The following ZNF12 variants were observed in gnomAD, a reference collection of about 807,000 sequenced individuals.
The protein encoded by ZNF12 is zinc finger protein 12.
A neutral mutation model predicts 66.6 loss-of-function variants in ZNF12; 34 were observed. That is an observed-to-expected ratio of 0.51 (90% CI 0.39 to 0.68). ZNF12 has a LOEUF of 0.68. ZNF12 is among the 30% of genes least tolerant of loss of function. ZNF12 has a pLI of 0.00. For missense variants in ZNF12, 697 were observed against 826.9 expected, an observed-to-expected ratio of 0.84 and a Z score of 1.93; for synonymous variants, 320 against 278.9, an observed-to-expected ratio of 1.15 and a Z score of -1.47.
At position 6,692,511 on chromosome 7, in the gene ZNF12, T is replaced by C. The variant is rs922483403; in HGVS notation, c.431A>G (p.Glu144Gly). The part of the protein sequence containing the change: ...AYKNSLCDSC[E>G]KCLTSVSEYI... The stretch of plus-strand genomic sequence containing the variant: ...TTCTGAAACAGACGTTAAACACTTT[T>C]CACATGAGTCACAGAGGCTATTTTT... The change falls in exon 5 of 5, where the codon GAA becomes GGA. Residue 144 changes from glutamate to glycine, a missense_variant. Around this residue, in one of 3 missense-constraint regions of ZNF12, gnomAD observed 241 missense variants for 224.0 expected, o/e 1.08. Coordinates refer to ENST00000405858, the MANE Select transcript of ZNF12 (RefSeq NM_016265.4). The surrounding 1 kb of genome is among the most constrained non-coding windows in gnomAD (Gnocchi z 5.1). The C allele has an allele frequency of 4.3e-6, 7 of 1,613,388 alleles. No homozygotes were observed. Among genetic ancestry groups the C allele is most frequent in the Non-Finnish European group, 5.9e-6 (7 of 1,179,756 alleles).
Position 6,697,496 on chromosome 7 carries a change from T to C in ZNF12, c.143-62A>G. ...CCGGTTGGCTTCAGGGTCTCTGTCATACAGGGAAAATTCCATTTGTGTCTT... is the reference window on the plus strand; with the variant it reads ...CCGGTTGGCTTCAGGGTCTCTGTCACACAGGGAAAATTCCATTTGTGTCTT... On this transcript the variant is annotated intron_variant, in intron 3 of 4. Transcript: ENST00000405858. The surrounding 1 kb of genome is among the most constrained non-coding windows in gnomAD (Gnocchi z 6.1). 2 of 1,549,230 alleles carry C rather than the reference T, an allele frequency of 1.3e-6. No homozygotes were observed. The highest frequency in any genetic ancestry group is 2.3e-5 in the South Asian group (2 of 86,938).
rs957197171 is a variant in ZNF12, at chr7:6,692,838, A to T, written c.239-135T>A. ...TTCATGAACAGATGAAAATAATTCC[A>T]AGTGTACTCTTCTCCTTTATGCTTT... On this transcript the variant is annotated intron_variant, in intron 4 of 4. Coordinates refer to ENST00000405858, the MANE Select transcript of ZNF12 (RefSeq NM_016265.4). This position sits in a 1 kb window ranked among gnomAD's most constrained non-coding sequence, Gnocchi z 5.1. 1.2e-6 allele frequency: 1 copy of T among 827,832 alleles called. No individual in the cohort carries two copies. The highest frequency in any genetic ancestry group is 1.8e-6 in the Non-Finnish European group (1 of 561,638). 51.3% of individuals were successfully genotyped at this position (827,832 alleles called of 1,614,324 possible). A position where few individuals can be genotyped will look rare whatever the true frequency, so the allele number is the denominator to read the frequency against.
intron 2 of ZNF12, among the ~76,000 whole-genome samples, chr7:6,702,358 CA>C (rs1283660637): frequency 6.5e-4 from 1 of 1,528 alleles, no homozygotes; most frequent in African/African-American, 2.7e-3. Flanking sequence ...CACACGCACA[CA>C]CACCAGATTC....
At position 6,698,061 on chromosome 7, in the gene ZNF12, T is replaced by G. The variant is rs566053770; in HGVS notation, c.16-250A>C. ...GTGAGCCAGAAACAATCCTGGCTGT[T>G]GGGAACTCTTAACACCAGCAGGGAC... On this transcript the variant is annotated intron_variant, in intron 2 of 4. Coordinates refer to ENST00000405858, the MANE Select transcript of ZNF12 (RefSeq NM_016265.4). The surrounding 1 kb of genome is among the most constrained non-coding windows in gnomAD (Gnocchi z 4.4). 1.0e-4 allele frequency: 69 copies of G among 692,200 alleles called. No homozygotes were observed. Among genetic ancestry groups the G allele is most frequent in the Middle Eastern group, 4.9e-4 (2 of 4,094 alleles). 42.9% of individuals were successfully genotyped at this position (692,200 alleles called of 1,614,324 possible).
intron 2 of ZNF12, among the ~76,000 whole-genome samples, chr7:6,702,505 CA>C (rs1562602249): frequency 3.9e-4 from 12 of 30,966 alleles, no homozygotes; most frequent in Non-Finnish European, 5.6e-4. Flanking sequence ...CACACACACA[CA>C]CAGATTTATC....
intron 2 of ZNF12, among the ~76,000 whole-genome samples, chr7:6,703,462 C>G (rs892501529): frequency 6.6e-6 from 1 of 152,054 alleles, no homozygotes; most frequent in African/African-American, 2.4e-5. Flanking sequence ...AAAACAATCG[C>G]GAGGTCAGAA....
At position 6,690,321 on chromosome 7, in the gene ZNF12, CAT is replaced by C. The variant is rs1461644931; in HGVS notation, c.*525_*526del. 6.6e-6 allele frequency: 1 copy of C among 152,270 alleles called. No homozygotes were observed. The highest frequency in any genetic ancestry group is 1.5e-5 in the Non-Finnish European group (1 of 68,098). The allele number at this position is 152,270 out of a possible 1,614,324, so 9.4% of individuals were successfully genotyped here. ...TAATAAAAACAACCCTCTCCCCAAA[CAT>C]AAGTCCTATGTTCTTTGGGAACTGC... On this transcript the variant is annotated 3_prime_UTR_variant, in exon 5 of 5. Coordinates refer to ENST00000405858, the MANE Select transcript of ZNF12 (RefSeq NM_016265.4).
Position 6,690,612 on chromosome 7 carries a change from T to C in ZNF12, c.*236A>G, listed in dbSNP as rs1165192047. 2.2e-6 allele frequency: 1 copy of C among 453,386 alleles called. No individual in the cohort carries two copies. Among genetic ancestry groups the C allele is most frequent in the East Asian group, 3.6e-5 (1 of 27,574 alleles). 28.1% of individuals were successfully genotyped at this position (453,386 alleles called of 1,614,324 possible). ...GTTCCAATCCATGGTGACATGTATA[T>C]ACATTCTTAATATTTATAAATTTTT... On this transcript the variant is annotated 3_prime_UTR_variant, in exon 5 of 5. Coordinates refer to ENST00000405858, the MANE Select transcript of ZNF12 (RefSeq NM_016265.4).
Position 6,705,059 on chromosome 7 carries a change from C to G in ZNF12, c.15+100G>C, listed in dbSNP as rs1251344417. On this transcript the variant is annotated intron_variant, in intron 2 of 4. Transcript: ENST00000405858. This position sits in a 1 kb window ranked among gnomAD's most constrained non-coding sequence, Gnocchi z 4.0. ...TGTTCTGTCTGACCAAATCTTGTATCTATTTCTACTTTCCCATTTTAAACT... is the reference window on the plus strand; with the variant it reads ...TGTTCTGTCTGACCAAATCTTGTATGTATTTCTACTTTCCCATTTTAAACT... 4 of 1,395,798 alleles carry G rather than the reference C, an allele frequency of 2.9e-6. No individual in the cohort carries two copies. Among genetic ancestry groups the G allele is most frequent in the Non-Finnish European group, 2.9e-6 (3 of 1,029,530 alleles). The allele number at this position is 1,395,798 out of a possible 1,614,324, so 86.5% of individuals were successfully genotyped here.
chr7:6,700,232 C>T (rs1228573727), intron 2 of ZNF12, among the ~76,000 whole-genome samples: 1 of 150,482 alleles, frequency 6.6e-6, no homozygotes, highest in Non-Finnish European at 1.5e-5. Context: ...TTGCAGTGAG[C>T]CGAGATCGAG....
At position 6,697,226 on chromosome 7, in the gene ZNF12, T is replaced by C. The variant is rs1056849228; in HGVS notation, c.238+113A>G. 3.2e-5 allele frequency: 23 copies of C among 725,306 alleles called. No individual in the cohort carries two copies. The highest frequency in any genetic ancestry group is 1.1e-4 in the African/African-American group (6 of 56,120). The allele number at this position is 725,306 out of a possible 1,614,324, so 44.9% of individuals were successfully genotyped here. ...TCTTTGGGAGTGAGATTCAGGTTCA[T>C]AGAGCATATAAGCAACTATTTCTAG... On this transcript the variant is annotated intron_variant, in intron 4 of 4. Transcript: ENST00000405858. The surrounding 1 kb of genome is among the most constrained non-coding windows in gnomAD (Gnocchi z 6.1).
rs889733963 is a variant in ZNF12, at chr7:6,697,266, T to A, written c.238+73A>T. On this transcript the variant is annotated intron_variant, in intron 4 of 4. Coordinates refer to ENST00000405858, the MANE Select transcript of ZNF12 (RefSeq NM_016265.4). The surrounding 1 kb of genome is among the most constrained non-coding windows in gnomAD (Gnocchi z 6.1). The stretch of plus-strand genomic sequence containing the variant: ...ACTATTTCTAGTCACTTCTAAAGGT[T>A]CGGGACCATTAAAAAATCCCTGGGA... 5 of 1,177,448 alleles carry A rather than the reference T, an allele frequency of 4.2e-6. No individual in the cohort carries two copies. Among genetic ancestry groups the A allele is most frequent in the Non-Finnish European group, 6.1e-6 (5 of 813,972 alleles). 72.9% of individuals were successfully genotyped at this position (1,177,448 alleles called of 1,614,324 possible).
chr7:6,706,197 A>T (rs992546616), intron 1 of ZNF12, among the ~76,000 whole-genome samples: 2 of 152,176 alleles, frequency 1.3e-5, no homozygotes, highest in Non-Finnish European at 1.5e-5. Context: ...GAGCAGAGAG[A>T]GGAGGAAGGG....
At chr7:6,703,083 A>G (rs1057033377) in intron 2 of ZNF12, among the ~76,000 whole-genome samples, 1 of 151,798 alleles carries the variant, frequency 6.6e-6, no homozygotes, top group African/African-American at 2.4e-5. Context: ...TGCCTTCCTG[A>G]TGCTGCCACT....
chr7:6,699,129 GTGTC>G (rs1365187268), intron 2 of ZNF12, among the ~76,000 whole-genome samples: 4 of 152,196 alleles, frequency 2.6e-5, no homozygotes, highest in Non-Finnish European at 4.4e-5. Context: ...TCATAAAACA[GTGTC>G]TGTGTGTTAA....
rs368482821 is a variant in ZNF12 at position 6,696,969 on chromosome 7, T to TA, written c.238+369dup. 0.03 allele frequency among the ~76,000 whole-genome samples: 4,243 copies of TA among 141,494 alleles called. 84 individuals are homozygous for TA. Among genetic ancestry groups the TA allele is most frequent in the Middle Eastern group, 0.058 (16 of 276 alleles). The allele number at this position is 141,494 out of a possible 152,430, so 92.8% of individuals were successfully genotyped here. A position where few individuals can be genotyped will look rare whatever the true frequency, so the allele number is the denominator to read the frequency against. On this transcript the variant is annotated intron_variant, in intron 4 of 4. Transcript: ENST00000405858. The surrounding 1 kb of genome is among the most constrained non-coding windows in gnomAD (Gnocchi z 4.0). Reference sequence around the variant, plus strand: ...GTCTCAGGCACTGCACGGTAAAGATTAAAAAAAAAAAACCAGAAGTTACAC... The same window carrying TA: ...GTCTCAGGCACTGCACGGTAAAGATTAAAAAAAAAAAAACCAGAAGTTACAC...
chr7:6,693,895 T>C (rs1367167954), intron 4 of ZNF12, among the ~76,000 whole-genome samples: 1 of 152,142 alleles, frequency 6.6e-6, no homozygotes, highest in Non-Finnish European at 1.5e-5. Flanking sequence ...TGGCCGGGCG[T>C]GGTAGCTCAC....
rs373871618 is a variant in ZNF12 at position 6,689,810 on chromosome 7, C to T, written c.*1038G>A. The T allele has an allele frequency of 9.8e-5, 15 of 152,556 alleles. No homozygotes were observed. Among genetic ancestry groups the T allele is most frequent in the South Asian group, 6.2e-4 (3 of 4,820 alleles). 9.5% of individuals were successfully genotyped at this position (152,556 alleles called of 1,614,324 possible). A position where few individuals can be genotyped will look rare whatever the true frequency, so the allele number is the denominator to read the frequency against. On this transcript the variant is annotated 3_prime_UTR_variant, in exon 5 of 5. Coordinates refer to ENST00000405858, the MANE Select transcript of ZNF12 (RefSeq NM_016265.4). ...TAGAGCACAAGGTTTAAAACCAGTA[C>T]GACATCAAATGAAAACACAGTGAAT...
Position 6,692,659 on chromosome 7 carries a change from C to T in ZNF12, c.283G>A (p.Glu95Lys), listed in dbSNP as rs1780092181. The change falls in exon 5 of 5, where the codon GAG (glutamate) becomes AAG (lysine). Residue 95 changes from glutamate (E) to lysine (K), a missense_variant. By Grantham distance (56) the Glu-to-Lys change is moderately conservative (BLOSUM62 1). This residue lies in a region of ZNF12 where 241 missense variants were observed against 224.0 expected (regional missense o/e 1.08). Coordinates refer to ENST00000405858, the MANE Select transcript of ZNF12 (RefSeq NM_016265.4). The surrounding 1 kb of genome is among the most constrained non-coding windows in gnomAD (Gnocchi z 5.1). ...GTTTGCCTTGAAGGTTTATTTTCCT[C>T]TTCCTGGATTCTCTCTATTAGGTCA... Reference protein sequence around the residue: ...TDDLIERIQEEENKPSRQTVF... With the variant: ...TDDLIERIQEKENKPSRQTVF... 2 of 1,608,576 alleles carry T rather than the reference C, an allele frequency of 1.2e-6. No homozygotes were observed. The highest frequency in any genetic ancestry group is 1.7e-5 in the Admixed American group (1 of 58,814).
Sources: allele counts gnomAD v4.1 joint callset (sites outside exome capture counted in the v4.1 genomes callset), GRCh38; gene constraint gnomAD v4.1.1; regional missense constraint gnomAD v4.1.1; non-coding constraint Gnocchi (gnomAD v3.1); transcripts MANE v1.5; gene names NCBI Gene and HGNC (gene_info 2026-07-23, HGNC 2026-07-21).